Variants in APP observed in about 807,000 individuals in gnomAD.
APP encodes amyloid beta precursor protein.
Under a neutral mutation model 101.4 loss-of-function variants are expected in APP, and 31 were observed. The observed-to-expected ratio is 0.31, with a 90% CI of 0.23 to 0.41. The LOEUF (loss-of-function observed/expected upper bound fraction) is 0.41. Among genes scored for constraint, APP ranks in the 10% least tolerant of loss-of-function variants. APP has a pLI of 1.00. For missense variants in APP, 839 were observed against 1,003.7 expected, an observed-to-expected ratio of 0.84 and a Z score of 2.22; for synonymous variants, 366 against 364.4, an observed-to-expected ratio of 1.00 and a Z score of -0.05.
intron 7 of APP, among the ~76,000 whole-genome samples, chr21:25,999,116 C>G (rs2043170079): frequency 6.6e-6 from 1 of 152,212 alleles, no homozygotes; most frequent in Non-Finnish European, 1.5e-5. Flanking sequence ...CATGGTGAAG[C>G]CTTGTCTCTA....
chr21:26,014,826 T>C (rs1358195886), intron 6 of APP, among the ~76,000 whole-genome samples: 1 of 152,196 alleles, frequency 6.6e-6, no homozygotes, highest in Admixed American at 6.5e-5. Context: ...ATATAAGCAA[T>C]ATTCGGATCA....
rs2045819399 is a variant in APP at position 26,051,082 on chromosome 21, C to T, written c.580G>A (p.Asp194Asn). 6.2e-7 allele frequency: 1 copy of T among 1,614,084 alleles called. No homozygotes were observed. Among genetic ancestry groups the T allele is most frequent in the Non-Finnish European group, 8.5e-7 (1 of 1,180,044 alleles). The change falls in exon 5 of 18, where the codon GAC becomes AAC. Residue 194 changes from aspartate (D) to asparagine (N), a missense_variant. Physicochemically the swap from Asp to Asn is conservative, Grantham distance 23. Transcript: ENST00000346798. Reference protein sequence around the residue: ...FVCCPLAEESDNVDSADAEED... With the variant: ...FVCCPLAEESNNVDSADAEED... ...TCCGCATCAGCAGAATCCACATTGT[C>T]ACTTTCTTCAGCCAGTGGGCAACAC...
chr21:25,929,139 G>C (rs1476249060), intron 13 of APP: 1 of 152,226 alleles, frequency 6.6e-6, no homozygotes, highest in Non-Finnish European at 1.5e-5. Context: ...CTGGTTGAGA[G>C]ATGTGTACTT....
intron 5 of APP, among the ~76,000 whole-genome samples, chr21:26,043,828 T>TG (rs11371099): frequency 1 from 152,168 of 152,172 alleles, 76,082 homozygotes; most frequent in Middle Eastern, 1. Context: ...TAACTACTTG[T>TG]GGGCTGATAT....
rs148110333 is a variant in APP at position 26,091,116 on chromosome 21, T to C, written c.226-1044A>G. On this transcript the variant is annotated intron_variant, in intron 2 of 17. Coordinates refer to ENST00000346798, the MANE Select transcript of APP (RefSeq NM_000484.4). ...TGCATTCCCTTGCATAAACCTTGCA[T>C]TGCAACAGGGTGGTTGTTTTGCCAG... is the stretch of plus-strand genomic sequence containing the variant. Among the ~76,000 whole-genome samples the C allele has an allele frequency of 3.0e-3, 456 of 152,356 alleles. 7 individuals carry two copies. Among genetic ancestry groups the C allele is most frequent in the African/African-American group, 0.01 (435 of 41,580 alleles).
chr21:25,887,517 G>GAAAA (rs199637906), intron 17 of APP, among the ~76,000 whole-genome samples: 102 of 114,366 alleles, frequency 8.9e-4, no homozygotes, highest in African/African-American at 1.3e-3. Context: ...CTGCTTATTT[G>GAAAA]AAAAAAAAAA....
intron 11 of APP, among the ~76,000 whole-genome samples, chr21:25,967,990 G>C (rs755596037): frequency 2.6e-5 from 4 of 152,166 alleles, no homozygotes; most frequent in Non-Finnish European, 5.9e-5. Flanking sequence ...GAAAGTCTAA[G>C]GAAAGTAAAA....
At chr21:25,896,089 TTCAAC>T in intron 16 of APP, among the ~76,000 whole-genome samples, 1 of 152,268 alleles carries the variant, frequency 6.6e-6, no homozygotes, top group South Asian at 2.1e-4. Context: ...CCACCAACTC[TTCAAC>T]TCTTTAGTGG....
At chr21:26,153,067 C>G (rs988508158) in intron 1 of APP, among the ~76,000 whole-genome samples, 1 of 152,172 alleles carries the variant, frequency 6.6e-6, no homozygotes, top group African/African-American at 2.4e-5. Context: ...ACCGTATGTT[C>G]TCTCTTATAA....
intron 2 of APP, among the ~76,000 whole-genome samples, chr21:26,098,041 C>G (rs1296196103): frequency 7.4e-6 from 1 of 136,018 alleles, no homozygotes; most frequent in Middle Eastern, 3.7e-3. Flanking sequence ...GATCGCGCCA[C>G]TGCACTCCAG....
chr21:25,925,232 A>C (rs1471103908), intron 13 of APP, among the ~76,000 whole-genome samples: 2 of 151,710 alleles, frequency 1.3e-5, no homozygotes, highest in Non-Finnish European at 2.9e-5. Flanking sequence ...AACAGATTTA[A>C]TTTTCCAATC....
At chr21:26,065,881 T>C (rs2046435379) in intron 3 of APP, among the ~76,000 whole-genome samples, 1 of 152,204 alleles carries the variant, frequency 6.6e-6, no homozygotes, top group African/African-American at 2.4e-5. Context: ...AGAGTAATAG[T>C]TGTTAAAGCT....
chr21:25,941,633 T>C (rs2040582869), intron 13 of APP: 2 of 152,288 alleles, frequency 1.3e-5, no homozygotes, highest in South Asian at 2.1e-4. Context: ...TGTGCCGCCA[T>C]GCCTGCCTAG....
intron 1 of APP, among the ~76,000 whole-genome samples, chr21:26,155,991 A>G (rs1440470623): frequency 3.7e-5 from 5 of 135,936 alleles, no homozygotes; most frequent in Non-Finnish European, 7.7e-5. Context: ...ACAGAGCGAG[A>G]CTTCGTCTCA....
At chr21:26,110,545 G>T (rs1162203355) in intron 2 of APP, among the ~76,000 whole-genome samples, 1 of 152,072 alleles carries the variant, frequency 6.6e-6, no homozygotes, top group African/African-American at 2.4e-5. Flanking sequence ...CTCCTTTCAA[G>T]ATAAAAATTA....
At chr21:26,151,873 A>G (rs530144751) in intron 1 of APP, among the ~76,000 whole-genome samples, 1 of 152,318 alleles carries the variant, frequency 6.6e-6, no homozygotes, top group South Asian at 2.1e-4. Flanking sequence ...CCTGATTCAC[A>G]GCATTACAAT....
chr21:25,995,968 C>T (rs1243649811), intron 8 of APP, among the ~76,000 whole-genome samples: 1 of 150,592 alleles, frequency 6.6e-6, no homozygotes, highest in African/African-American at 2.4e-5. Flanking sequence ...GGATAATGTA[C>T]ACAAATGCTA....
intron 11 of APP, among the ~76,000 whole-genome samples, chr21:25,966,384 C>T (rs548123608): frequency 1.3e-4 from 20 of 152,264 alleles, no homozygotes; most frequent in South Asian, 1.2e-3. Context: ...TAAAAATAAA[C>T]GGATGGTGAA....
Position 25,891,809 on chromosome 21 carries a change from G to GCCCAC in APP, c.2119_2123dup (p.Gly709TrpfsTer6). On this transcript the variant is annotated frameshift_variant, in exon 17 of 18. Transcript: ENST00000346798. LOFTEE classifies it high-confidence loss of function. ...CGATCACTGTCGCTATGACAACACC[G>GCCCAC]CCCACCATGAGTCCAATGATTGCAC... 1 of 1,613,706 alleles carries GCCCAC rather than the reference G, an allele frequency of 6.2e-7. No homozygotes were observed. The highest frequency in any genetic ancestry group is 2.2e-5 in the East Asian group (1 of 44,878).
Sources: allele counts gnomAD v4.1 joint callset (sites outside exome capture counted in the v4.1 genomes callset), GRCh38; gene constraint gnomAD v4.1.1; transcripts MANE v1.5; gene names NCBI Gene and HGNC (gene_info 2026-07-23, HGNC 2026-07-21).